The following CHD6 variants were observed in gnomAD, a reference collection of about 807,000 sequenced individuals.
CHD6 encodes the protein ATP-dependent chromatin remodeler CHD6.
CHD6 carries 50 observed loss-of-function variants against 276.9 expected under a neutral mutation model. The ratio of observed to expected loss-of-function variants is 0.18; its 90% CI spans 0.14 to 0.23. The LOEUF is 0.23. Among genes scored for constraint, CHD6 ranks in the 10% least tolerant of loss-of-function variants. The pLI, the probability that CHD6 is intolerant of heterozygous loss-of-function variation, is 1.00. For synonymous variants in CHD6, 1,173 were observed against 1,229.3 expected (o/e 0.95, Z 0.96); for missense variants, 2,564 against 3,365.8 (o/e 0.76, Z 5.89).
At chr20:41,484,259 A>C in intron 15 of CHD6, 93 bp downstream of exon 15, 1 of 1,429,098 alleles carries the variant, frequency 7.0e-7, no homozygotes, top group East Asian at 2.3e-5. Context: ...CCTAGCATAT[A>C]ATGAAAATTC....
chr20:41,599,223 A>G (rs1358258832), intron 1 of CHD6, among the ~76,000 whole-genome samples: 30 of 152,212 alleles, frequency 2.0e-4, no homozygotes, highest in Non-Finnish European at 7.3e-5. Context: ...AGCCCTGGAC[A>G]TGATATTAGC....
Position 41,415,593 on chromosome 20 carries a change from T to G in CHD6, c.6532A>C (p.Arg2178=), listed in dbSNP as rs541269740. 3.5e-5 allele frequency: 56 copies of G among 1,610,522 alleles called. No individual in the cohort carries two copies. The Middle Eastern group carries it at 5.0e-4, about 14-fold the overall frequency. ...PVFTKDEQKH[R]RPYEFEVERD... ...TCCACCTCAAACTCATAGGGACGCC[T>G]GTGCTTTTGTTCATCCTTTGTGAAT... Residue 2178 remains arginine (R), a synonymous_variant, in exon 34 of 37, where the codon AGG becomes CGG. Coordinates refer to ENST00000373233, the MANE Select transcript of CHD6 (RefSeq NM_032221.5).
At chr20:41,542,763 T>C (rs1485090896) in intron 2 of CHD6, among the ~76,000 whole-genome samples, 2 of 152,014 alleles carry the variant, frequency 1.3e-5, no homozygotes, top group Non-Finnish European at 2.9e-5. Context: ...AGCCTTGTAG[T>C]CACAATGACT....
chr20:41,613,134 A>C (rs796880489), intron 1 of CHD6, among the ~76,000 whole-genome samples: 8 of 152,324 alleles, frequency 5.3e-5, no homozygotes, highest in African/African-American at 1.9e-4. Flanking sequence ...TTTTATGTTC[A>C]ACTACACATT....
Position 41,424,253 on chromosome 20 carries a change from T to C in CHD6, c.4347-553A>G, listed in dbSNP as rs142519620. On this transcript the variant is annotated intron_variant, in intron 29 of 36. Transcript: ENST00000373233. ...TTTGTGGTTTTATGTAGGTAGGTTG[T>C]CCATGACAATTATCTTCTCTGGGAC... 8.4e-3 allele frequency among the ~76,000 whole-genome samples: 1,276 copies of C among 152,316 alleles called. 6 individuals are homozygous for C. Among genetic ancestry groups the C allele is most frequent in the Non-Finnish European group, 0.012 (825 of 68,018 alleles).
rs1171804454 is a variant in CHD6 at position 41,491,703 on chromosome 20, A to G, written c.1431T>C (p.Tyr477=). 1 of 1,613,786 alleles carries G rather than the reference A, an allele frequency of 6.2e-7. No individual in the cohort carries two copies. Residue 477 remains tyrosine (Y), a synonymous_variant, in exon 11 of 37, where the codon TAT becomes TAC. Transcript: ENST00000373233. ...EGMNWLLFNW[Y]NRKNCILADE... ...GGCTGGTTTTGGTTCCTTACCTGTT[A>G]TACCAGTTAAAAAGAAGCCAGTTCA... is the stretch of plus-strand genomic sequence containing the variant.
chr20:41,437,580 T>C (rs41278122), intron 26 of CHD6, among the ~76,000 whole-genome samples: 95 of 152,374 alleles, frequency 6.2e-4, no homozygotes, highest in Non-Finnish European at 1.2e-3. Context: ...TATGTTTATA[T>C]AGGAGAAAAT....
chr20:41,446,332 G>A (rs2048067799), intron 24 of CHD6, among the ~76,000 whole-genome samples: 1 of 152,114 alleles, frequency 6.6e-6, no homozygotes, highest in African/African-American at 2.4e-5. Context: ...TCCTGGCAGT[G>A]GTCTATTAGA....
intron 1 of CHD6, among the ~76,000 whole-genome samples, chr20:41,599,447 C>A (rs1264720870): frequency 6.6e-6 from 1 of 152,152 alleles, no homozygotes; most frequent in African/African-American, 2.4e-5. Flanking sequence ...TCTTTACCCC[C>A]CTTGCAATTG....
Position 41,452,060 on chromosome 20 carries a change from G to A in CHD6, c.3324-35C>T. 1.3e-6 allele frequency: 2 copies of A among 1,555,206 alleles called. No individual in the cohort carries two copies. On this transcript the variant is annotated intron_variant, in intron 21 of 36. Transcript: ENST00000373233. The surrounding 1 kb of genome is among the most constrained non-coding windows in gnomAD (Gnocchi z 4.2). The stretch of plus-strand genomic sequence containing the variant: ...GACATACAGACAGGTGTTGGAGGGA[G>A]AATGGACCAGGCCATGCAGGCAGCC...
intron 17 of CHD6, among the ~76,000 whole-genome samples, chr20:41,472,671 A>G (rs2043082005): frequency 6.6e-6 from 1 of 152,356 alleles, no homozygotes; most frequent in Admixed American, 6.5e-5. Flanking sequence ...GGGTTGATGA[A>G]GAACTCCAAA....
intron 35 of CHD6, among the ~76,000 whole-genome samples, chr20:41,413,022 A>G (rs945521824): frequency 6.6e-6 from 1 of 152,216 alleles, no homozygotes; most frequent in Non-Finnish European, 1.5e-5. Flanking sequence ...AGATTTCTCT[A>G]TGAGCTTATG....
chr20:41,535,541 C>T (rs1209706466), intron 2 of CHD6, among the ~76,000 whole-genome samples: 2 of 152,042 alleles, frequency 1.3e-5, no homozygotes, highest in African/African-American at 4.8e-5. Flanking sequence ...GGCCATGAGA[C>T]CAGCATGATG....
intron 8 of CHD6, among the ~76,000 whole-genome samples, chr20:41,495,860 T>C (rs1362984502): frequency 6.6e-6 from 1 of 152,242 alleles, no homozygotes; most frequent in Non-Finnish European, 1.5e-5. Flanking sequence ...CTTTTTCCTA[T>C]GATACTGAGT....
At chr20:41,570,973 A>G (rs2045409969) in intron 1 of CHD6, among the ~76,000 whole-genome samples, 1 of 152,120 alleles carries the variant, frequency 6.6e-6, no homozygotes. Context: ...TCCTGAACAA[A>G]TAACAGTACT....
At chr20:41,448,050 G>A in intron 23 of CHD6, 79 bp from the exon 24 acceptor site, 1 of 729,604 alleles carries the variant, frequency 1.4e-6, no homozygotes, top group Non-Finnish European at 2.2e-6. Flanking sequence ...GTTAACACTG[G>A]GAAATTCTGG....
At chr20:41,518,841 T>C (rs2145992758) in intron 3 of CHD6, among the ~76,000 whole-genome samples, 1 of 152,300 alleles carries the variant, frequency 6.6e-6, no homozygotes, top group East Asian at 1.9e-4. Flanking sequence ...AGATAAGGTA[T>C]ATATTTCTGC....
intron 36 of CHD6, among the ~76,000 whole-genome samples, chr20:41,409,882 A>G (rs1160167991): frequency 6.6e-6 from 1 of 152,236 alleles, no homozygotes; most frequent in East Asian, 1.9e-4. Flanking sequence ...ACATACAGGT[A>G]AAACCAATAT....
chr20:41,503,738 T>C (rs1315343796), intron 5 of CHD6, among the ~76,000 whole-genome samples: 1 of 152,140 alleles, frequency 6.6e-6, no homozygotes, highest in Non-Finnish European at 1.5e-5. Context: ...CGTCAAATGC[T>C]ACTCTGCTCC....
Sources: allele counts gnomAD v4.1 joint callset (sites outside exome capture counted in the v4.1 genomes callset), GRCh38; gene constraint gnomAD v4.1.1; non-coding constraint Gnocchi (gnomAD v3.1); transcripts MANE v1.5; gene names NCBI Gene and HGNC (gene_info 2026-07-23, HGNC 2026-07-21).